The following PRKCE variants were observed in gnomAD, a reference collection of about 807,000 sequenced individuals.
PRKCE encodes the protein protein kinase C epsilon type.
PRKCE carries 16 observed loss-of-function variants against 85.4 expected under a neutral mutation model. That is an observed-to-expected ratio of 0.19 (90% CI 0.13 to 0.28). The LOEUF is 0.28. Among genes scored for constraint, PRKCE ranks in the 10% least tolerant of loss-of-function variants. The pLI is 1.00. For synonymous variants in PRKCE, 388 were observed against 371.5 expected, an observed-to-expected ratio of 1.04 and a Z score of -0.51; for missense variants, 573 against 975.2, an observed-to-expected ratio of 0.59 and a Z score of 5.49.
At chr2:45,654,824 G>A (rs1170464030) in intron 1 of PRKCE, among the ~76,000 whole-genome samples, 2 of 152,148 alleles carry the variant, frequency 1.3e-5, no homozygotes, top group African/African-American at 4.8e-5. Flanking sequence ...TCATTGGCAG[G>A]GGTGACTGGC....
At chr2:45,996,147 A>T (rs971559349) in intron 6 of PRKCE, among the ~76,000 whole-genome samples, 1 of 152,042 alleles carries the variant, frequency 6.6e-6, no homozygotes, top group Admixed American at 6.6e-5. Context: ...TTTTATTTTT[A>T]AATTCCATTT....
intron 1 of PRKCE, among the ~76,000 whole-genome samples, chr2:45,734,671 G>C (rs543343402): frequency 1.3e-5 from 2 of 152,338 alleles, no homozygotes; most frequent in South Asian, 4.1e-4. Context: ...AGAGAACCCT[G>C]AGCCTGAGTG....
At chr2:45,653,370 GTTTTTTTTTTTTTTT>G (rs34888247) in intron 1 of PRKCE, among the ~76,000 whole-genome samples, 5 of 61,482 alleles carry the variant, frequency 8.1e-5, no homozygotes, top group East Asian at 1.5e-3. Context: ...TTTTTGGGTT[GTTTTTTTTTTTTTTT>G]TTTTTTTTTT....
chr2:45,933,363 C>T (rs1020764232), intron 2 of PRKCE, among the ~76,000 whole-genome samples: 7 of 149,942 alleles, frequency 4.7e-5, no homozygotes, highest in Admixed American at 4.0e-4. Flanking sequence ...TTGACCTTTT[C>T]GTATTCCATT....
intron 2 of PRKCE, among the ~76,000 whole-genome samples, chr2:45,941,615 G>A (rs1406412643): frequency 6.6e-6 from 1 of 152,170 alleles, no homozygotes; most frequent in South Asian, 2.1e-4. Context: ...AAGGGGAGGG[G>A]AGATTCAGTC....
At chr2:45,903,026 C>T (rs1696688462) in intron 2 of PRKCE, among the ~76,000 whole-genome samples, 3 of 152,166 alleles carry the variant, frequency 2.0e-5, no homozygotes, top group East Asian at 3.8e-4. Flanking sequence ...GAGGATCCTA[C>T]GTGAATATAG....
chr2:46,097,391 G>A (rs1168978946), intron 11 of PRKCE, among the ~76,000 whole-genome samples: 2 of 152,000 alleles, frequency 1.3e-5, no homozygotes, highest in African/African-American at 4.8e-5. Context: ...GTGGTGGCGG[G>A]CGTCTGTAGT....
intron 2 of PRKCE, among the ~76,000 whole-genome samples, chr2:45,914,864 T>C (rs1303314716): frequency 6.6e-6 from 1 of 152,158 alleles, no homozygotes; most frequent in Non-Finnish European, 1.5e-5. Flanking sequence ...TTCTTGGTTT[T>C]CCCACAAAAC....
intron 1 of PRKCE, among the ~76,000 whole-genome samples, chr2:45,718,131 A>G (rs1301031386): frequency 6.6e-6 from 1 of 152,138 alleles, no homozygotes; most frequent in African/African-American, 2.4e-5. Context: ...AGGCTGTCTT[A>G]CGCATTTTAG....
At chr2:46,009,656 T>C (rs1705492697) in intron 9 of PRKCE, among the ~76,000 whole-genome samples, 1 of 152,228 alleles carries the variant, frequency 6.6e-6, no homozygotes. Context: ...GTTTCCATCT[T>C]ACAAATGTAA....
At chr2:45,960,013 A>G (rs1317787303) in intron 2 of PRKCE, among the ~76,000 whole-genome samples, 3 of 152,182 alleles carry the variant, frequency 2.0e-5, no homozygotes, top group Non-Finnish European at 4.4e-5. Context: ...TCCTCTTCCT[A>G]TCTGCTAATC....
intron 9 of PRKCE, among the ~76,000 whole-genome samples, chr2:46,008,254 C>T (rs1356477593): frequency 6.6e-6 from 1 of 152,132 alleles, no homozygotes; most frequent in African/African-American, 2.4e-5. Context: ...TGCCATTCTC[C>T]ATATCCTGTT....
At chr2:45,958,816 A>ATTTTTT (rs569651784) in intron 2 of PRKCE, among the ~76,000 whole-genome samples, 1 of 18,150 alleles carries the variant, frequency 5.5e-5, no homozygotes, top group Non-Finnish European at 9.4e-5. Context: ...ATATATATAT[A>ATTTTTT]TTTTTTTTTT....
At chr2:45,910,474 G>A (rs1193492631) in intron 2 of PRKCE, among the ~76,000 whole-genome samples, 1 of 152,200 alleles carries the variant, frequency 6.6e-6, no homozygotes, top group Non-Finnish European at 1.5e-5. Context: ...ACGATAGAAA[G>A]GATAACCTGG....
chr2:45,727,780 G>T (rs528213621), intron 1 of PRKCE, among the ~76,000 whole-genome samples: 1 of 152,134 alleles, frequency 6.6e-6, no homozygotes, highest in African/African-American at 2.4e-5. Flanking sequence ...TCAGCCTCCT[G>T]AGTAGCTGGG....
chr2:45,768,142 A>G (rs1318074862), intron 1 of PRKCE, among the ~76,000 whole-genome samples: 1 of 151,958 alleles, frequency 6.6e-6, no homozygotes. Flanking sequence ...AGCTTTTCCC[A>G]CTCTTCTCCT....
Position 45,697,581 on chromosome 2 carries a change from C to T in PRKCE, c.348+45133C>T, listed in dbSNP as rs1218147014. Among the ~76,000 whole-genome samples, 2 of 152,104 alleles carry T rather than the reference C, an allele frequency of 1.3e-5. No individual in the cohort carries two copies. Among genetic ancestry groups the T allele is most frequent in the African/African-American group, 2.4e-5 (1 of 41,414 alleles). The stretch of plus-strand genomic sequence containing the variant: ...CTGGTTGGCATCTCTATGTGGGTGG[C>T]ATCTCTAGCTCTTTCTTTTGTTCCG... On this transcript the variant is annotated intron_variant, in intron 1 of 14. Coordinates refer to ENST00000306156, the MANE Select transcript of PRKCE (RefSeq NM_005400.3). This position sits in a 1 kb window ranked among gnomAD's most constrained non-coding sequence, Gnocchi z 4.2.
intron 1 of PRKCE, among the ~76,000 whole-genome samples, chr2:45,694,695 G>C (rs1240566393): frequency 6.6e-6 from 1 of 152,202 alleles, no homozygotes; most frequent in Non-Finnish European, 1.5e-5. Context: ...GGGTGGATTG[G>C]ATAGATGGGT....
intron 11 of PRKCE, among the ~76,000 whole-genome samples, chr2:46,125,360 A>T (rs10495927): frequency 6.6e-6 from 1 of 152,008 alleles, no homozygotes; most frequent in South Asian, 2.1e-4. Flanking sequence ...GTACCCAGCC[A>T]ATAACAGTGA....
Sources: gnomAD v4.1 joint callset for allele counts (sites outside exome capture counted in the v4.1 genomes callset) on GRCh38, gnomAD v4.1.1 for gene constraint, Gnocchi (gnomAD v3.1) non-coding constraint, MANE v1.5 for transcripts, NCBI Gene and HGNC (gene_info 2026-07-23, HGNC 2026-07-21) for gene names.